The following CPPED1 variants were observed in gnomAD, a reference collection of about 807,000 sequenced individuals.
CPPED1 encodes serine/threonine-protein phosphatase CPPED1.
CPPED1 carries 28 observed loss-of-function variants against 28.0 expected under a neutral mutation model. That is an observed-to-expected ratio of 1.00 (90% CI 0.74 to 1.37). The LOEUF (loss-of-function observed/expected upper bound fraction) is 1.37, where lower values mean the gene tolerates loss of function less well. Among genes scored for constraint, CPPED1 ranks in the 40% most tolerant of loss-of-function variants. CPPED1 has a pLI of 0.00. For synonymous variants in CPPED1, 198 were observed against 180.2 expected (o/e 1.10, Z -0.79); for missense variants, 504 against 416.5 (o/e 1.21, Z -1.83).
intron 1 of CPPED1, among the ~76,000 whole-genome samples, chr16:12,787,213 GAA>G (rs2080568595): frequency 6.6e-6 from 1 of 152,038 alleles, no homozygotes; most frequent in African/African-American, 2.4e-5. Context: ...AAAGAAAAAA[GAA>G]TTGATTAAGA....
At chr16:12,795,860 G>A (rs1397193367) in intron 1 of CPPED1, among the ~76,000 whole-genome samples, 1 of 152,074 alleles carries the variant, frequency 6.6e-6, no homozygotes, top group Non-Finnish European at 1.5e-5. Context: ...AAGGTGGGCA[G>A]TTCACTTGAG....
At position 12,664,848 on chromosome 16, in the gene CPPED1, T is replaced by C. The variant is rs781254681; in HGVS notation, c.*38A>G. On this transcript the variant is annotated 3_prime_UTR_variant, in exon 4 of 4. Transcript: ENST00000381774. This position sits in a 1 kb window ranked among gnomAD's most constrained non-coding sequence, Gnocchi z 4.2. ...TGCTGTTTCTGGCAAAATAAAAAAATAGTGCAAGTGAAAAGTGAACGGGAA... is the reference window on the plus strand; with the variant it reads ...TGCTGTTTCTGGCAAAATAAAAAAACAGTGCAAGTGAAAAGTGAACGGGAA... 14 of 1,606,540 alleles carry C rather than the reference T, an allele frequency of 8.7e-6. No individual in the cohort carries two copies. Among genetic ancestry groups the C allele is most frequent in the African/African-American group, 1.3e-5 (1 of 74,164 alleles).
At chr16:12,736,042 A>G (rs1272280710) in intron 2 of CPPED1, among the ~76,000 whole-genome samples, 1 of 152,118 alleles carries the variant, frequency 6.6e-6, no homozygotes, top group Non-Finnish European at 1.5e-5. Flanking sequence ...TGGGCCCTGG[A>G]GCCTGACGGA....
rs1248373256 is a variant in CPPED1 at position 12,690,498 on chromosome 16, C to CTGGGCACAGCCTGG, written c.715+14125_715+14126insCCAGGCTGTGCCCA. Among the ~76,000 whole-genome samples, 5 of 147,182 alleles carry CTGGGCACAGCCTGG rather than the reference C, an allele frequency of 3.4e-5. No individual in the cohort carries two copies. The Admixed American group carries it at 3.4e-4, about 10-fold the overall frequency. On this transcript the variant is annotated intron_variant, in intron 3 of 3. Coordinates refer to ENST00000381774, the MANE Select transcript of CPPED1 (RefSeq NM_018340.3). ...CACTGCACTCCAGCCTGGGCAATAG[C>CTGGGCACAGCCTGG]GCAAGACTCCTTCTCAAGAAAGAAA...
intron 3 of CPPED1, among the ~76,000 whole-genome samples, chr16:12,696,526 C>T (rs921451550): frequency 1.1e-4 from 16 of 151,018 alleles, no homozygotes; most frequent in East Asian, 1.9e-4. Flanking sequence ...CTGCAACCTC[C>T]GCCTTCCCAG....
chr16:12,705,278 T>A (rs558178678), intron 2 of CPPED1, among the ~76,000 whole-genome samples: 1 of 152,330 alleles, frequency 6.6e-6, no homozygotes, highest in East Asian at 1.9e-4. Context: ...CATGACTACA[T>A]GGCCCCCTGC....
intron 2 of CPPED1, among the ~76,000 whole-genome samples, chr16:12,734,439 G>A (rs1279510985): frequency 6.6e-6 from 1 of 151,950 alleles, no homozygotes; most frequent in African/African-American, 2.4e-5. Flanking sequence ...GAGTGCAGTG[G>A]TGCTATCTCA....
intron 2 of CPPED1, among the ~76,000 whole-genome samples, chr16:12,759,990 G>C (rs2080398918): frequency 6.6e-6 from 1 of 152,208 alleles, no homozygotes; most frequent in Admixed American, 6.5e-5. Context: ...AAAGCTCCTT[G>C]TTCTGTCTTT....
At chr16:12,733,379 A>ATT (rs1349207832) in intron 2 of CPPED1, among the ~76,000 whole-genome samples, 1 of 150,842 alleles carries the variant, frequency 6.6e-6, no homozygotes, top group Admixed American at 6.7e-5. Context: ...GATTCGAGAG[A>ATT]TTCTCATGCC....
intron 2 of CPPED1, among the ~76,000 whole-genome samples, chr16:12,754,768 G>A (rs987418556): frequency 2.6e-5 from 4 of 152,198 alleles, no homozygotes; most frequent in African/African-American, 9.6e-5. Flanking sequence ...GGAGGCCAAG[G>A]CGGGAGGATC....
At chr16:12,691,055 G>A (rs2079960189) in intron 3 of CPPED1, among the ~76,000 whole-genome samples, 1 of 152,172 alleles carries the variant, frequency 6.6e-6, no homozygotes, top group Non-Finnish European at 1.5e-5. Context: ...CATGCTCTGG[G>A]GCACCCAACA....
At position 12,709,902 on chromosome 16, in the gene CPPED1, CG is replaced by C. The variant is rs1474422734; in HGVS notation, c.290-4854del. ...GGAAGGAAGGGAAGGAAGGGAAAGA[CG>C]GGGGGAAGGAAGGGAAGGAAGGGAA... On this transcript the variant is annotated intron_variant, in intron 2 of 3. Coordinates refer to ENST00000381774, the MANE Select transcript of CPPED1 (RefSeq NM_018340.3). This position sits in a 1 kb window ranked among gnomAD's most constrained non-coding sequence, Gnocchi z 4.4. Among the ~76,000 whole-genome samples, 2,582 of 93,016 alleles carry C rather than the reference CG, an allele frequency of 0.028. 80 individuals are homozygous for C. The highest frequency in any genetic ancestry group is 0.11 in the African/African-American group (2,489 of 21,712). The allele number at this position is 93,016 out of a possible 152,430, so 61.0% of individuals were successfully genotyped here.
At chr16:12,666,763 C>G (rs80211312) in intron 3 of CPPED1, among the ~76,000 whole-genome samples, 14,876 of 152,142 alleles carry the variant, frequency 0.098, 1,658 homozygotes, top group African/African-American at 0.27. Flanking sequence ...ACAAAGTGAT[C>G]AGTTTTGAGT....
rs2080067164 is a variant in CPPED1 at position 12,709,222 on chromosome 16, G to C, written c.290-4173C>G. 6.6e-6 allele frequency among the ~76,000 whole-genome samples: 1 copy of C among 152,102 alleles called. No homozygotes were observed. The highest frequency in any genetic ancestry group is 1.5e-5 in the Non-Finnish European group (1 of 68,024). ...ACGCAGGGTTCTATGTTCACAAAAA[G>C]AATGTATATAAAGGACAGGAAGAAA... is the stretch of plus-strand genomic sequence containing the variant. On this transcript the variant is annotated intron_variant, in intron 2 of 3. Coordinates refer to ENST00000381774, the MANE Select transcript of CPPED1 (RefSeq NM_018340.3). The surrounding 1 kb of genome is among the most constrained non-coding windows in gnomAD (Gnocchi z 4.4).
At chr16:12,790,918 CAAAAA>C (rs538022826) in intron 1 of CPPED1, among the ~76,000 whole-genome samples, 1 of 63,310 alleles carries the variant, frequency 1.6e-5, no homozygotes, top group Non-Finnish European at 3.6e-5. Flanking sequence ...GACTCTATCT[CAAAAA>C]AAAAAAAAAA....
intron 2 of CPPED1, among the ~76,000 whole-genome samples, chr16:12,750,856 TACTC>T (rs1290618429): frequency 1.3e-5 from 2 of 152,012 alleles, no homozygotes; most frequent in Non-Finnish European, 2.9e-5. Context: ...CTATACCAGC[TACTC>T]GGGAGGCTGA....
At chr16:12,760,077 G>GA (rs1567299311) in intron 2 of CPPED1, among the ~76,000 whole-genome samples, 1 of 152,076 alleles carries the variant, frequency 6.6e-6, no homozygotes, top group South Asian at 2.1e-4. Context: ...AAAATATTCA[G>GA]AAAAAAAATT....
intron 2 of CPPED1, among the ~76,000 whole-genome samples, chr16:12,734,071 T>TG (rs1250999322): frequency 8.2e-6 from 1 of 122,004 alleles, no homozygotes; most frequent in Non-Finnish European, 1.8e-5. Flanking sequence ...TTTTTTTTTT[T>TG]TTTTTTTTTT....
Position 12,709,577 on chromosome 16 carries a change from G to T in CPPED1, c.290-4528C>A, listed in dbSNP as rs779739183. The stretch of plus-strand genomic sequence containing the variant: ...ATTTGTATCAGTGGTACTGTGAGAG[G>T]TATGATTTATTTTTGTCCATATTCA... On this transcript the variant is annotated intron_variant, in intron 2 of 3. Coordinates refer to ENST00000381774, the MANE Select transcript of CPPED1 (RefSeq NM_018340.3). The surrounding 1 kb of genome is among the most constrained non-coding windows in gnomAD (Gnocchi z 4.4). Among the ~76,000 whole-genome samples the T allele has an allele frequency of 1.3e-5, 2 of 152,140 alleles. No individual in the cohort carries two copies. The highest frequency in any genetic ancestry group is 2.9e-5 in the Non-Finnish European group (2 of 68,024).
Sources: gnomAD v4.1 joint callset for allele counts (sites outside exome capture counted in the v4.1 genomes callset) on GRCh38, gnomAD v4.1.1 for gene constraint, Gnocchi (gnomAD v3.1) non-coding constraint, MANE v1.5 for transcripts, NCBI Gene and HGNC (gene_info 2026-07-23, HGNC 2026-07-21) for gene names.